The following HGS variants were observed in gnomAD, a reference collection of about 807,000 sequenced individuals.
The protein encoded by HGS is hepatocyte growth factor-regulated tyrosine kinase substrate, also known as human growth factor-regulated tyrosine kinase substrate.
HGS carries 63 observed loss-of-function variants against 109.7 expected under a neutral mutation model. The ratio of observed to expected loss-of-function variants is 0.57; its 90% CI spans 0.47 to 0.71. HGS has a LOEUF of 0.71. Among genes scored for constraint, HGS ranks in the 30% least tolerant of loss-of-function variants. HGS has a pLI of 0.00. For synonymous variants in HGS, 546 were observed against 437.3 expected, an observed-to-expected ratio of 1.25 and a Z score of -3.10; for missense variants, 995 against 1,068.3, an observed-to-expected ratio of 0.93 and a Z score of 0.96.
chr17:81,686,140 AG>A, intron 2 of HGS, 171 bp from the exon 3 acceptor site: 1 of 605,906 alleles, frequency 1.7e-6, no homozygotes, highest in East Asian at 2.8e-5. Flanking sequence ...CGTAATGCAC[AG>A]GCTGGTCTCA....
intron 4 of HGS, 150 bp downstream of exon 4, chr17:81,687,245 C>G (rs1202897262): frequency 6.2e-6 from 4 of 645,112 alleles, no homozygotes; most frequent in East Asian, 2.7e-5. Context: ...CAAGCTCGCA[C>G]TCATGAGTCG....
At chr17:81,701,005 A>C (rs1381568283) in intron 20 of HGS, 40 bp from the exon 21 acceptor site, 1 of 1,585,132 alleles carries the variant, frequency 6.3e-7, no homozygotes, top group African/African-American at 1.3e-5. Context: ...CTGCCTGGTC[A>C]CAGGGCTACT....
rs573198664 is a variant in HGS, at chr17:81,701,366, C to T, written c.2224-142C>T. On this transcript the variant is annotated intron_variant, in intron 21 of 21. Transcript: ENST00000329138. Reference sequence around the variant, plus strand: ...GTGAATTTACTTGAAAGGCAAAGGCCGCATGAGCTGGCTGCATGAGCTGCA... The same window carrying T: ...GTGAATTTACTTGAAAGGCAAAGGCTGCATGAGCTGGCTGCATGAGCTGCA... 3.8e-5 allele frequency: 37 copies of T among 977,718 alleles called. 1 individual carries two copies. The highest frequency in any genetic ancestry group is 6.5e-4 in the Middle Eastern group (2 of 3,100). 60.6% of individuals were successfully genotyped at this position (977,718 alleles called of 1,614,324 possible).
At chr17:81,688,030 A>C (rs1004900290) in intron 4 of HGS, among the ~76,000 whole-genome samples, 1 of 152,160 alleles carries the variant, frequency 6.6e-6, no homozygotes, top group African/African-American at 2.4e-5. Flanking sequence ...GGGGTGAGGC[A>C]GGGCTGTGAA....
chr17:81,687,495 T>A (rs1198124137), intron 4 of HGS, among the ~76,000 whole-genome samples: 1 of 152,062 alleles, frequency 6.6e-6, no homozygotes, highest in Non-Finnish European at 1.5e-5. Context: ...GCTGGCCACA[T>A]CCCACAGGCA....
In HGS at chr17:81,695,633, C is replaced by A. The variant is rs1448906378; in HGVS notation, c.1180-153C>A. The A allele has an allele frequency of 4.3e-6, 3 of 695,320 alleles. No individual in the cohort carries two copies. In the East Asian group the frequency reaches 8.1e-5, roughly 19 times the overall value. The allele number at this position is 695,320 out of a possible 1,614,324, so 43.1% of individuals were successfully genotyped here. On this transcript the variant is annotated intron_variant, in intron 14 of 21. Coordinates refer to ENST00000329138, the MANE Select transcript of HGS (RefSeq NM_004712.5). ...GACAAGGACCCCGCCTCCAGGGCCT[C>A]GCCTTCCTCAGCTGTAGAAGGGGCT...
At chr17:81,694,492 G>A (rs975620057) in intron 11 of HGS, among the ~76,000 whole-genome samples, 7 of 152,184 alleles carry the variant, frequency 4.6e-5, no homozygotes, top group Non-Finnish European at 1.5e-5. Context: ...CCGGGCTGTC[G>A]GCTGGGGCCC....
At chr17:81,700,435 C>T in intron 18 of HGS, 32 bp from the exon 19 acceptor site, 1 of 1,516,084 alleles carries the variant, frequency 6.6e-7, no homozygotes, top group Non-Finnish European at 8.8e-7. Context: ...GTTGCCCTGG[C>T]TGAACCATCT....
intron 11 of HGS, 99 bp downstream of exon 11, chr17:81,694,064 G>A: frequency 1.9e-6 from 2 of 1,047,064 alleles, no homozygotes; most frequent in Non-Finnish European, 2.7e-6. Context: ...GGTGGGGGAT[G>A]CGGGTCCCCG....
chr17:81,696,236 C>T, intron 15 of HGS, 121 bp from the exon 16 acceptor site: 2 of 1,298,582 alleles, frequency 1.5e-6, no homozygotes, highest in Non-Finnish European at 2.1e-6. Flanking sequence ...CAGAGCCCAG[C>T]ACCTTCAGAG....
In HGS at chr17:81,691,242, C is replaced by T. The variant is rs2037059974; in HGVS notation, c.538-205C>T. The T allele has an allele frequency of 1.2e-5, 7 of 597,026 alleles. No individual in the cohort carries two copies. The highest frequency in any genetic ancestry group is 2.1e-5 in the Non-Finnish European group (7 of 337,142). The allele number at this position is 597,026 out of a possible 1,614,324, so 37.0% of individuals were successfully genotyped here. A position where few individuals can be genotyped will look rare whatever the true frequency, so the allele number is the denominator to read the frequency against. On this transcript the variant is annotated intron_variant, in intron 7 of 21. Coordinates refer to ENST00000329138, the MANE Select transcript of HGS (RefSeq NM_004712.5). The surrounding 1 kb of genome is among the most constrained non-coding windows in gnomAD (Gnocchi z 5.3). ...TTACTTTTAACTTACCTTATTTTCC[C>T]CAAAACGGTGGCTGGCGTTGAGACT...
intron 5 of HGS, 41 bp downstream of exon 5, chr17:81,688,868 A>C: frequency 6.2e-7 from 1 of 1,612,748 alleles, no homozygotes; most frequent in Non-Finnish European, 8.5e-7. Context: ...GAGGCTTGGA[A>C]CTGCTGGGCA....
intron 1 of HGS, chr17:81,684,888 A>G (rs1425162140): frequency 1.0e-6 from 1 of 985,138 alleles, no homozygotes; most frequent in Non-Finnish European, 1.2e-6. Flanking sequence ...TCTCAGCCAC[A>G]CAGGTAGTTC....
chr17:81,700,872 G>A (rs1041415500), intron 20 of HGS, 58 bp downstream of exon 20: 2 of 1,586,730 alleles, frequency 1.3e-6, no homozygotes, highest in Admixed American at 3.4e-5. Flanking sequence ...TGATGATGCT[G>A]AGGGTCCTTT....
intron 1 of HGS, among the ~76,000 whole-genome samples, chr17:81,685,235 G>A (rs34975185): frequency 0.064 from 9,752 of 152,242 alleles, 408 homozygotes; most frequent in East Asian, 0.22. Context: ...TCCAAGGGAC[G>A]GGTGATAGGG....
rs1275273354 is a variant in HGS at position 81,690,249 on chromosome 17, C to T, written c.468+15C>T. The T allele has an allele frequency of 1.2e-6, 2 of 1,613,080 alleles. No individual in the cohort carries two copies. Among genetic ancestry groups the T allele is most frequent in the Non-Finnish European group, 8.5e-7 (1 of 1,179,482 alleles). On this transcript the variant is annotated intron_variant, in intron 6 of 21. Transcript: ENST00000329138. ...CTGCCGAGAGAGTGAGTGTGGGCGG[C>T]CGCCAGGGGTTCTGGAGTCGGGCTG... is the stretch of plus-strand genomic sequence containing the variant.
Position 81,697,227 on chromosome 17 carries a change from AG to A in HGS, c.1882+230del, listed in dbSNP as rs2037165773. 3 of 482,204 alleles carry A rather than the reference AG, an allele frequency of 6.2e-6. No homozygotes were observed. The East Asian group carries it at 9.9e-5, about 16-fold the overall frequency. 29.9% of individuals were successfully genotyped at this position (482,204 alleles called of 1,614,324 possible). ...TACTGCCCTCTCCCCTGAATGCGAC[AG>A]CGAGCATTTCCTGAAACCAGCAGGT... is the stretch of plus-strand genomic sequence containing the variant. On this transcript the variant is annotated intron_variant, in intron 18 of 21. Transcript: ENST00000329138.
intron 20 of HGS, 104 bp from the exon 21 acceptor site, chr17:81,700,941 C>T: frequency 6.6e-7 from 1 of 1,524,824 alleles, no homozygotes; most frequent in Non-Finnish European, 9.1e-7. Flanking sequence ...CCTCCACTCT[C>T]TGGGTGCTCC....
Position 81,691,588 on chromosome 17 carries a change from C to G in HGS, c.662+17C>G, listed in dbSNP as rs373619837. 55 of 1,613,564 alleles carry G rather than the reference C, an allele frequency of 3.4e-5. No individual in the cohort carries two copies. Among genetic ancestry groups the G allele is most frequent in the Middle Eastern group, 3.3e-4 (2 of 6,084 alleles). On this transcript the variant is annotated intron_variant, in intron 8 of 21. Coordinates refer to ENST00000329138, the MANE Select transcript of HGS (RefSeq NM_004712.5). This position sits in a 1 kb window ranked among gnomAD's most constrained non-coding sequence, Gnocchi z 5.3. ...GCTGAACAGGTGAGTCCCCGCCCCC[C>G]ATTTGGGCTGCAGGTGGGGCAGGCT... is the stretch of plus-strand genomic sequence containing the variant.
Sources: allele counts gnomAD v4.1 joint callset (sites outside exome capture counted in the v4.1 genomes callset), GRCh38; gene constraint gnomAD v4.1.1; non-coding constraint Gnocchi (gnomAD v3.1); transcripts MANE v1.5; gene names NCBI Gene and HGNC (gene_info 2026-07-23, HGNC 2026-07-21).